Variants in MTMR4 observed in about 807,000 individuals in gnomAD.
MTMR4 encodes the protein phosphatidylinositol-3,5-bisphosphate 3-phosphatase MTMR4.
In MTMR4, 30 loss-of-function variants were observed where a neutral mutation model predicts 125.5. That is an observed-to-expected ratio of 0.24 (90% confidence interval 0.18 to 0.32). The LOEUF (loss-of-function observed/expected upper bound fraction) is 0.32. Among genes scored for constraint, MTMR4 ranks in the 10% least tolerant of loss-of-function variants. The probability of loss-of-function intolerance (pLI) is 1.00; values close to 1 mark genes in which losing one functional copy is unlikely to be tolerated. For synonymous variants in MTMR4, 498 were observed against 564.5 expected, an observed-to-expected ratio of 0.88 and a Z score of 1.67; for missense variants, 1,039 against 1,511.5, an observed-to-expected ratio of 0.69 and a Z score of 5.18.
intron 1 of MTMR4, chr17:58,514,068 G>C (rs745980736): frequency 1.4e-4 from 21 of 154,004 alleles, no homozygotes; most frequent in Non-Finnish European, 2.6e-4. Flanking sequence ...AGAGGGAGAG[G>C]CGGAGGTAAA....
intron 14 of MTMR4, among the ~76,000 whole-genome samples, chr17:58,498,432 CAG>C (rs147746260): frequency 1.7e-3 from 250 of 149,742 alleles, no homozygotes; most frequent in African/African-American, 5.9e-3. Flanking sequence ...AGGAAGGCTA[CAG>C]AGAGAGGGTA....
At chr17:58,518,180 A>G (rs775032743), upstream of MTMR4, among the ~76,000 whole-genome samples, 1 of 152,360 alleles carries the variant, frequency 6.6e-6, no homozygotes, top group African/African-American at 2.4e-5. Flanking sequence ...GAGAGCAGTA[A>G]AGAGGGGGCT....
In MTMR4 at chr17:58,491,785, C is replaced by T. The variant is rs1450106543; in HGVS notation, c.3508G>A (p.Asp1170Asn). 1 of 1,613,982 alleles carries T rather than the reference C, an allele frequency of 6.2e-7. No homozygotes were observed. Residue 1170 changes from aspartate (D) to asparagine (N), a missense_variant, in exon 18 of 18, where the codon GAT becomes AAT. By Grantham distance (23) the Asp-to-Asn change is conservative. This residue lies in a region of MTMR4 where 60 missense variants were observed against 129.6 expected (regional missense o/e 0.46). Coordinates refer to ENST00000682306, the MANE Select transcript of MTMR4 (RefSeq NM_001378067.1). Reference sequence around the variant, plus strand: ...AGAACTGGGTCATAGAGTTGCTGATCAGGAATGGGCAGCTTCAGGTGGCAG... The same window carrying T: ...AGAACTGGGTCATAGAGTTGCTGATTAGGAATGGGCAGCTTCAGGTGGCAG... ...GCCHLKLPIPDQQLYDPVLVC... is the reference protein window; with the variant it reads ...GCCHLKLPIPNQQLYDPVLVC...
chr17:58,494,423 G>A (rs117524364), intron 15 of MTMR4, among the ~76,000 whole-genome samples: 1,891 of 151,986 alleles, frequency 0.012, 22 homozygotes, highest in Non-Finnish European at 0.019. Context: ...ATTGCCTTAA[G>A]GGTAAAATCC....
chr17:58,495,459 T>C lies in MTMR4; in HGVS notation c.2725A>G (p.Ser909Gly). 6.2e-7 allele frequency: 1 copy of C among 1,614,266 alleles called. No homozygotes were observed. The highest frequency in any genetic ancestry group is 8.5e-7 in the Non-Finnish European group (1 of 1,180,048). Reference protein sequence around the residue: ...LELVRKPISQSQISEFSFLGS... With the variant: ...LELVRKPISQGQISEFSFLGS... ...AGAAAAGAGAACTCACTGATCTGGC[T>C]CTGAGAAATTGGCTTCCGGACCAAT... Residue 909 changes from serine (S) to glycine (G), a missense_variant, in exon 15 of 18, where the codon AGC (serine) becomes GGC (glycine). Ser to Gly is a moderately conservative substitution (Grantham distance 56). Around this residue, in one of 6 missense-constraint regions of MTMR4, gnomAD observed 619 missense variants for 714.5 expected, o/e 0.87. Coordinates refer to ENST00000682306, the MANE Select transcript of MTMR4 (RefSeq NM_001378067.1).
At chr17:58,514,338 C>T in intron 1 of MTMR4, 25 bp downstream of exon 1, 1 of 988,296 alleles carries the variant, frequency 1.0e-6, no homozygotes, top group Non-Finnish European at 1.2e-6. Flanking sequence ...CCTCCTAGGC[C>T]CCCAAAGGCA....
At position 58,506,844 on chromosome 17, in the gene MTMR4, A is replaced by G. The variant is rs2302189; in HGVS notation, c.932T>C (p.Val311Ala). The stretch of plus-strand genomic sequence containing the variant: ...CTTTTGAGGAGCTGCTGTGCTCTCC[A>G]CTCCAGAGCACGCAGTCAGAGAAGA... ...FDSSLTACSG[V>A]ESTAAPQKLL... is the part of the protein sequence containing the mutation. The change falls in exon 9 of 18, where the codon GTG (valine) becomes GCG (alanine). Residue 311 changes from valine (V) to alanine (A), a missense_variant. By Grantham distance (64) the Val-to-Ala change is moderately conservative. Coordinates refer to ENST00000682306, the MANE Select transcript of MTMR4 (RefSeq NM_001378067.1). The G allele has an allele frequency of 6.2e-7, 1 of 1,612,138 alleles. No homozygotes were observed. Among genetic ancestry groups the G allele is most frequent in the Non-Finnish European group, 8.5e-7 (1 of 1,179,416 alleles).
Position 58,491,672 on chromosome 17 carries a change from A to T in MTMR4, c.3621T>A (p.Ala1207=). 6.2e-7 allele frequency: 1 copy of T among 1,613,476 alleles called. No individual in the cohort carries two copies. Among genetic ancestry groups the T allele is most frequent in the Non-Finnish European group, 8.5e-7 (1 of 1,179,490 alleles). Reference sequence around the variant, plus strand: ...GGTTTCTCCCCGGCATTCAACTGGAAGCTGTAGCAATGGGTTTCTTCAGCT... The same window carrying T: ...GGTTTCTCCCCGGCATTCAACTGGATGCTGTAGCAATGGGTTTCTTCAGCT... The part of the protein sequence containing the change: ...SQQLKKPIAT[A]SS Residue 1207 remains alanine, a synonymous_variant, in exon 18 of 18, where the codon GCT becomes GCA. Coordinates refer to ENST00000682306, the MANE Select transcript of MTMR4 (RefSeq NM_001378067.1).
Position 58,491,623 on chromosome 17 carries a change from C to A in MTMR4, c.*40G>T. The A allele has an allele frequency of 6.3e-7, 1 of 1,595,158 alleles. No homozygotes were observed. The highest frequency in any genetic ancestry group is 1.1e-5 in the South Asian group (1 of 89,096). On this transcript the variant is annotated 3_prime_UTR_variant, in exon 18 of 18. Coordinates refer to ENST00000682306, the MANE Select transcript of MTMR4 (RefSeq NM_001378067.1). The stretch of plus-strand genomic sequence containing the variant: ...AAACTACAACTGAAGAAGATCCTCC[C>A]TTCAAACCTGCTAAAATTGGACAGG...
At chr17:58,516,569 A>G, upstream of MTMR4, 2 of 1,614,154 alleles carry the variant, frequency 1.2e-6, no homozygotes, top group Non-Finnish European at 1.7e-6. Flanking sequence ...GAGGAAAGAC[A>G]GGGTACTCAC....
At chr17:58,511,979 C>T (rs528020903) in intron 3 of MTMR4, among the ~76,000 whole-genome samples, 1 of 152,000 alleles carries the variant, frequency 6.6e-6, no homozygotes, top group South Asian at 2.1e-4. Context: ...AGAAGGGATC[C>T]CCAACTTTTT....
intron 17 of MTMR4, 107 bp downstream of exon 17, chr17:58,492,404 C>A: frequency 1.1e-6 from 1 of 921,914 alleles, no homozygotes; most frequent in Non-Finnish European, 1.7e-6. Context: ...CTCCTCACCT[C>A]ATGATCCGCC....
In MTMR4 at chr17:58,512,730, G is replaced by C; in HGVS notation, c.135+122C>G. On this transcript the variant is annotated intron_variant, in intron 2 of 17. Transcript: ENST00000682306. The surrounding 1 kb of genome is among the most constrained non-coding windows in gnomAD (Gnocchi z 4.1). ...CGCAGACAAACCCTCCTCCTCCAGA[G>C]ACCAGGGAACATGAAGCCAGAGCTC... 1 of 906,920 alleles carries C rather than the reference G, an allele frequency of 1.1e-6. No individual in the cohort carries two copies. Among genetic ancestry groups the C allele is most frequent in the Non-Finnish European group, 1.7e-6 (1 of 575,132 alleles). The allele number at this position is 906,920 out of a possible 1,614,324, so 56.2% of individuals were successfully genotyped here. A position where few individuals can be genotyped will look rare whatever the true frequency, so the allele number is the denominator to read the frequency against.
In MTMR4 at chr17:58,508,421, C is replaced by G. The variant is rs747962287; in HGVS notation, c.593+47G>C. 4 of 1,586,880 alleles carry G rather than the reference C, an allele frequency of 2.5e-6. No homozygotes were observed. The highest frequency in any genetic ancestry group is 3.5e-6 in the Non-Finnish European group (4 of 1,155,222). ...GTGCCCACCACACTTTATCCAAACACGGAAGTAGTTTGGTGTGGAAGGTGT... is the reference window on the plus strand; with the variant it reads ...GTGCCCACCACACTTTATCCAAACAGGGAAGTAGTTTGGTGTGGAAGGTGT... On this transcript the variant is annotated intron_variant, in intron 6 of 17. Coordinates refer to ENST00000682306, the MANE Select transcript of MTMR4 (RefSeq NM_001378067.1). This position sits in a 1 kb window ranked among gnomAD's most constrained non-coding sequence, Gnocchi z 4.8.
intron 15 of MTMR4, among the ~76,000 whole-genome samples, chr17:58,494,246 G>A (rs1268262776): frequency 2.0e-5 from 3 of 151,778 alleles, no homozygotes; most frequent in Non-Finnish European, 4.4e-5. Context: ...CGTGAACCCG[G>A]GAGGGCGGAG....
At chr17:58,517,263 T>A (rs1056722475), upstream of MTMR4, among the ~76,000 whole-genome samples, 1 of 152,086 alleles carries the variant, frequency 6.6e-6, no homozygotes, top group African/African-American at 2.4e-5. Flanking sequence ...GGCCTTGGAG[T>A]CAGCATCTGT....
upstream of MTMR4, among the ~76,000 whole-genome samples, chr17:58,515,718 C>T (rs1048506233): frequency 4.1e-4 from 63 of 152,180 alleles, no homozygotes; most frequent in African/African-American, 1.4e-3. Flanking sequence ...GGGGCCAAAA[C>T]CAGCAGGCTT....
chr17:58,505,071 T>C (rs890748808), intron 10 of MTMR4, 97 bp from the exon 11 acceptor site: 9 of 1,238,578 alleles, frequency 7.3e-6, no homozygotes, highest in South Asian at 1.5e-5. Context: ...AAAGTCCCCA[T>C]TGAGAACTGA....
In MTMR4 at chr17:58,507,205, G is replaced by A; in HGVS notation, c.822C>T (p.Ala274=). 2 of 1,614,166 alleles carry A rather than the reference G, an allele frequency of 1.2e-6. No individual in the cohort carries two copies. The highest frequency in any genetic ancestry group is 1.7e-6 in the Non-Finnish European group (2 of 1,180,026). ...CAGTGGCCCTTGTCCCCGGGTCCAGGGCACAGGCTTTAGCAATGGACGTGA... is the reference window on the plus strand; with the variant it reads ...CAGTGGCCCTTGTCCCCGGGTCCAGAGCACAGGCTTTAGCAATGGACGTGA... ...YLVTSIAKAC[A]LDPGTRATGG... Residue 274 remains alanine (A), a synonymous_variant, in exon 8 of 18, where the codon GCC becomes GCT. Transcript: ENST00000682306.
Sources: gnomAD v4.1 joint callset for allele counts (sites outside exome capture counted in the v4.1 genomes callset) on GRCh38, gnomAD v4.1.1 for gene constraint, gnomAD v4.1.1 regional missense constraint, Gnocchi (gnomAD v3.1) non-coding constraint, MANE v1.5 for transcripts, NCBI Gene and HGNC (gene_info 2026-07-23, HGNC 2026-07-21) for gene names.